Variants in COL24A1 observed in about 807,000 individuals in gnomAD.
COL24A1 encodes the protein collagen type XXIV alpha 1 chain.
COL24A1 carries 224 observed loss-of-function variants against 253.9 expected under a neutral mutation model. The observed-to-expected ratio is 0.88, with a 90% CI of 0.79 to 0.99. The LOEUF (loss-of-function observed/expected upper bound fraction) is 0.99. Ranked by LOEUF, COL24A1 falls within the 50% of genes least tolerant of loss-of-function variation. COL24A1 has a pLI of 0.00. For synonymous variants in COL24A1, 685 were observed against 673.7 expected (o/e 1.02, Z -0.26); for missense variants, 2,131 against 2,068.5 (o/e 1.03, Z -0.59).
At chr1:85,925,629 G>T (rs1446978225) in intron 24 of COL24A1, among the ~76,000 whole-genome samples, 2 of 152,116 alleles carry the variant, frequency 1.3e-5, no homozygotes, top group South Asian at 2.1e-4. Flanking sequence ...TATGTAGAAA[G>T]CTGAAACTGG....
At chr1:85,974,224 C>A (rs1692442993) in intron 20 of COL24A1, among the ~76,000 whole-genome samples, 1 of 152,016 alleles carries the variant, frequency 6.6e-6, no homozygotes, top group East Asian at 1.9e-4. Flanking sequence ...TATTAACAAA[C>A]TTGATCTAGT....
chr1:85,739,425 A>C (rs1160316477), intron 57 of COL24A1, among the ~76,000 whole-genome samples: 2 of 152,150 alleles, frequency 1.3e-5, no homozygotes, highest in African/African-American at 2.4e-5. Context: ...GTGAGCCTAA[A>C]TGTTCTGACT....
At chr1:86,064,996 T>C (rs1490136825) in intron 7 of COL24A1, among the ~76,000 whole-genome samples, 1 of 152,162 alleles carries the variant, frequency 6.6e-6, no homozygotes, top group Non-Finnish European at 1.5e-5. Context: ...AGTAAAAATA[T>C]CCACAAAGCT....
At chr1:86,118,726 T>C (rs1706405145) in intron 3 of COL24A1, among the ~76,000 whole-genome samples, 1 of 152,186 alleles carries the variant, frequency 6.6e-6, no homozygotes, top group East Asian at 1.9e-4. Flanking sequence ...TATATTGTGA[T>C]GTCAGAGAAG....
intron 19 of COL24A1, among the ~76,000 whole-genome samples, chr1:86,003,711 T>C (rs1695656244): frequency 1.3e-5 from 2 of 151,986 alleles, no homozygotes; most frequent in Admixed American, 6.6e-5. Context: ...AGAAGTGACC[T>C]GAAGTGAGGA....
rs541829566 is a variant in COL24A1, at chr1:85,924,780, C to G, written c.2563-13347G>C. On this transcript the variant is annotated intron_variant, in intron 24 of 59. Transcript: ENST00000370571. ...CTGGCACAAGACAGAGATGCCCTCT[C>G]TCACCACTCTTATTCAGCATAGTGT... 6.6e-5 allele frequency among the ~76,000 whole-genome samples: 10 copies of G among 152,318 alleles called. No individual in the cohort carries two copies. In the South Asian group the frequency reaches 8.3e-4, roughly 13 times the overall value.
chr1:85,986,501 G>A (rs747987423), intron 20 of COL24A1, among the ~76,000 whole-genome samples: 19 of 151,774 alleles, frequency 1.3e-4, no homozygotes, highest in Non-Finnish European at 2.2e-4. Context: ...AATGCTCTAC[G>A]TAATTTACTA....
At chr1:85,978,822 G>A (rs2100838068) in intron 20 of COL24A1, among the ~76,000 whole-genome samples, 1 of 152,206 alleles carries the variant, frequency 6.6e-6, no homozygotes, top group South Asian at 2.1e-4. Context: ...CTTCATCTAT[G>A]CCCTAGAACA....
intron 14 of COL24A1, 25 bp from the exon 15 acceptor site, chr1:86,023,032 C>T (rs1475207829): frequency 1.9e-6 from 3 of 1,601,774 alleles, no homozygotes; most frequent in Admixed American, 1.7e-5. Context: ...GAAAGAAATG[C>T]ATCATTAAGC....
At chr1:86,110,414 C>T (rs559075449) in intron 5 of COL24A1, among the ~76,000 whole-genome samples, 61 of 152,194 alleles carry the variant, frequency 4.0e-4, no homozygotes, top group Middle Eastern at 3.4e-3. Context: ...TAGCAGCCCT[C>T]GCTTGCTTTT....
intron 57 of COL24A1, among the ~76,000 whole-genome samples, chr1:85,741,938 G>T (rs181260722): frequency 6.6e-6 from 1 of 151,816 alleles, no homozygotes; most frequent in Non-Finnish European, 1.5e-5. Flanking sequence ...TTTACTTAAC[G>T]TGGACCCAGT....
intron 10 of COL24A1, among the ~76,000 whole-genome samples, chr1:86,056,734 G>A (rs1700690112): frequency 6.6e-6 from 1 of 151,450 alleles, no homozygotes; most frequent in Non-Finnish European, 1.5e-5. Flanking sequence ...CGTGCCTGTA[G>A]TCCCAGCTAC....
At chr1:85,851,470 T>C (rs1677760678) in intron 37 of COL24A1, among the ~76,000 whole-genome samples, 1 of 152,152 alleles carries the variant, frequency 6.6e-6, no homozygotes, top group African/African-American at 2.4e-5. Flanking sequence ...ACCCTGGAAT[T>C]GAATTGCTGG....
chr1:85,744,911 G>A, intron 56 of COL24A1, 77 bp from the exon 57 acceptor site: 1 of 1,119,164 alleles, frequency 8.9e-7, no homozygotes, highest in Non-Finnish European at 1.3e-6. Flanking sequence ...AGAAGAATGT[G>A]TTTCCATTAT....
intron 24 of COL24A1, among the ~76,000 whole-genome samples, chr1:85,920,410 G>C (rs1686334259): frequency 6.6e-6 from 1 of 152,212 alleles, no homozygotes; most frequent in African/African-American, 2.4e-5. Context: ...CTGGGACACA[G>C]AATATGTGTA....
chr1:86,046,528 T>A lies in COL24A1; in HGVS notation c.1950+297A>T, dbSNP rs189301840. Among the ~76,000 whole-genome samples the A allele has an allele frequency of 9.2e-5, 14 of 152,310 alleles. No homozygotes were observed. In the East Asian group the frequency reaches 2.7e-3, roughly 29 times the overall value. ...TAGGTTAAGAGTACTACCATTTGTG[T>A]TTTAAGTTCTTCACGTATTTTCTGT... is the stretch of plus-strand genomic sequence containing the variant. On this transcript the variant is annotated intron_variant, in intron 12 of 59. Coordinates refer to ENST00000370571, the MANE Select transcript of COL24A1 (RefSeq NM_152890.7).
intron 37 of COL24A1, among the ~76,000 whole-genome samples, chr1:85,861,126 T>C (rs1452654198): frequency 1.3e-5 from 2 of 152,188 alleles, no homozygotes; most frequent in African/African-American, 2.4e-5. Context: ...CAGCAATGTA[T>C]AAGGGTTCCA....
chr1:86,056,273 CA>C (rs1233584788), intron 10 of COL24A1, among the ~76,000 whole-genome samples: 1 of 152,044 alleles, frequency 6.6e-6, no homozygotes, highest in Non-Finnish European at 1.5e-5. Flanking sequence ...AATGCAAGAA[CA>C]AAGACAGCAT....
At chr1:85,968,264 G>C (rs530953140) in intron 22 of COL24A1, among the ~76,000 whole-genome samples, 1 of 152,216 alleles carries the variant, frequency 6.6e-6, no homozygotes, top group South Asian at 2.1e-4. Context: ...ACTAATACAA[G>C]TGGTAACGCT....
Sources: allele counts gnomAD v4.1 joint callset (sites outside exome capture counted in the v4.1 genomes callset), GRCh38; gene constraint gnomAD v4.1.1; transcripts MANE v1.5; gene names NCBI Gene and HGNC (gene_info 2026-07-23, HGNC 2026-07-21).